STX6: variants seen among roughly 807,000 people sequenced by gnomAD.
STX6 encodes syntaxin-6.
Under a neutral mutation model 38.0 loss-of-function variants are expected in STX6, and 23 were observed. That is an observed-to-expected ratio of 0.60 (90% CI 0.43 to 0.86). STX6 has a LOEUF of 0.86. Among genes scored for constraint, STX6 ranks in the 40% least tolerant of loss-of-function variants. STX6 has a pLI of 0.00. For missense variants in STX6, 274 were observed against 312.9 expected (o/e 0.88, Z 0.94); for synonymous variants, 123 against 107.5 (o/e 1.14, Z -0.89).
intron 4 of STX6, among the ~76,000 whole-genome samples, chr1:180,992,340 CCTT>C (rs1209443903): frequency 6.6e-6 from 1 of 152,136 alleles, no homozygotes; most frequent in African/African-American, 2.4e-5. Flanking sequence ...GAACCCTGCC[CCTT>C]CTTCAAGCTT....
intron 7 of STX6, among the ~76,000 whole-genome samples, chr1:180,979,036 G>A (rs1394920304): frequency 6.6e-6 from 1 of 152,188 alleles, no homozygotes; most frequent in Non-Finnish European, 1.5e-5. Flanking sequence ...TGATTAATAT[G>A]CTACAGGCTT....
In STX6 at chr1:180,988,024, A is replaced by G; in HGVS notation, c.596+215T>C. The stretch of plus-strand genomic sequence containing the variant: ...GTGTCTGTTTTTGGAGGTGTTTAAA[A>G]ATAATAACAACTTCACCTAAAGCCT... On this transcript the variant is annotated intron_variant, in intron 6 of 7. Coordinates refer to ENST00000258301, the MANE Select transcript of STX6 (RefSeq NM_005819.6). 3 of 416,134 alleles carry G rather than the reference A, an allele frequency of 7.2e-6. 1 individual carries two copies. In the South Asian group the frequency reaches 8.4e-5, roughly 12 times the overall value. 25.8% of individuals were successfully genotyped at this position (416,134 alleles called of 1,614,324 possible).
chr1:181,005,962 G>GA (rs1656214789), intron 1 of STX6, among the ~76,000 whole-genome samples: 1 of 152,134 alleles, frequency 6.6e-6, no homozygotes, highest in Non-Finnish European at 1.5e-5. Context: ...TTTAATCCGA[G>GA]AAATTCTTAA....
chr1:181,001,699 T>C (rs1656083209), intron 3 of STX6, among the ~76,000 whole-genome samples: 1 of 152,144 alleles, frequency 6.6e-6, no homozygotes. Flanking sequence ...AAAAACCAAA[T>C]GGTTTCTACA....
At chr1:181,013,835 CCA>C (rs1268498750) in intron 1 of STX6, among the ~76,000 whole-genome samples, 1 of 152,142 alleles carries the variant, frequency 6.6e-6, no homozygotes, top group African/African-American at 2.4e-5. Flanking sequence ...CTCTATCTCT[CCA>C]CAGTCTGCAC....
chr1:181,018,302 G>A (rs1478008041), intron 1 of STX6, among the ~76,000 whole-genome samples: 8 of 137,344 alleles, frequency 5.8e-5, no homozygotes, highest in Non-Finnish European at 9.1e-5. Flanking sequence ...AGAATCGCTT[G>A]AACCCAAGAG....
intron 3 of STX6, among the ~76,000 whole-genome samples, chr1:180,996,298 T>C (rs1041302298): frequency 6.6e-6 from 1 of 151,986 alleles, no homozygotes; most frequent in Non-Finnish European, 1.5e-5. Flanking sequence ...AGCAACACAA[T>C]CCACACAATG....
chr1:180,993,271 T>C, intron 4 of STX6, 92 bp downstream of exon 4: 1 of 788,412 alleles, frequency 1.3e-6, no homozygotes, highest in South Asian at 1.5e-5. Flanking sequence ...TCCTCTTGAT[T>C]ACATGATCCA....
chr1:181,012,446 C>G (rs1301662435), intron 1 of STX6, among the ~76,000 whole-genome samples: 1 of 152,046 alleles, frequency 6.6e-6, no homozygotes, highest in African/African-American at 2.4e-5. Context: ...ACAAAACAGC[C>G]CATCAAAATC....
At chr1:180,997,086 T>A (rs974090236) in intron 3 of STX6, among the ~76,000 whole-genome samples, 6 of 152,224 alleles carry the variant, frequency 3.9e-5, no homozygotes, top group African/African-American at 1.4e-4. Flanking sequence ...AGACCTAGGT[T>A]TAAGACTTAG....
rs1656781713 is a variant in STX6 at position 181,022,730 on chromosome 1, C to T, written c.-57G>A. ...CCGCGCACAGGGCGCCCGTGCCTCC[C>T]GGTCTCCCTCCGCCCACCCCGCCTG... On this transcript the variant is annotated 5_prime_UTR_variant, in exon 1 of 8. Transcript: ENST00000258301. 2 of 1,539,368 alleles carry T rather than the reference C, an allele frequency of 1.3e-6. No individual in the cohort carries two copies. The highest frequency in any genetic ancestry group is 1.4e-5 in the African/African-American group (1 of 72,786).
At chr1:180,985,865 T>C (rs571597338) in intron 6 of STX6, among the ~76,000 whole-genome samples, 1 of 152,366 alleles carries the variant, frequency 6.6e-6, no homozygotes, top group South Asian at 2.1e-4. Flanking sequence ...TCTTGATCTG[T>C]GCCCACAATA....
At chr1:180,994,504 G>A (rs1047094179) in intron 3 of STX6, among the ~76,000 whole-genome samples, 6 of 152,238 alleles carry the variant, frequency 3.9e-5, no homozygotes, top group African/African-American at 1.2e-4. Flanking sequence ...AGTCAGTCAC[G>A]TGAGTGTTGT....
At chr1:181,012,124 T>C (rs1656419199) in intron 1 of STX6, among the ~76,000 whole-genome samples, 1 of 152,126 alleles carries the variant, frequency 6.6e-6, no homozygotes, top group Non-Finnish European at 1.5e-5. Flanking sequence ...ATTGTCAGAG[T>C]TCTTCAGCTT....
At chr1:180,983,279 T>C (rs1026595226) in intron 7 of STX6, among the ~76,000 whole-genome samples, 11 of 152,146 alleles carry the variant, frequency 7.2e-5, no homozygotes, top group African/African-American at 2.7e-4. Flanking sequence ...CCTTATAACA[T>C]GTACCTGACA....
chr1:181,012,672 C>CT (rs58296301), intron 1 of STX6, among the ~76,000 whole-genome samples: 35,529 of 118,858 alleles, frequency 0.3, 6,431 homozygotes, highest in African/African-American at 0.49. Flanking sequence ...TTCTTCCATT[C>CT]TTTTTTTTTT....
intron 1 of STX6, among the ~76,000 whole-genome samples, chr1:181,021,275 AAATT>A (rs1243870610): frequency 6.6e-6 from 1 of 152,208 alleles, no homozygotes. Context: ...TCTATTTTAA[AAATT>A]AACCCCTAAA....
intron 7 of STX6, 77 bp downstream of exon 7, chr1:180,984,600 A>G (rs983452884): frequency 1.0e-5 from 6 of 595,462 alleles, no homozygotes; most frequent in African/African-American, 1.9e-5. Context: ...CTGGATGGGC[A>G]TAACTATGAG....
At chr1:181,013,407 T>C (rs1178163984) in intron 1 of STX6, among the ~76,000 whole-genome samples, 4 of 152,158 alleles carry the variant, frequency 2.6e-5, no homozygotes, top group Non-Finnish European at 5.9e-5. Flanking sequence ...TAATCTCGAA[T>C]TCCTGGGTTC....
Sources: gnomAD v4.1 joint callset for allele counts (sites outside exome capture counted in the v4.1 genomes callset) on GRCh38, gnomAD v4.1.1 for gene constraint, MANE v1.5 for transcripts, NCBI Gene and HGNC (gene_info 2026-07-23, HGNC 2026-07-21) for gene names.